AP4S1: variants seen among roughly 807,000 people sequenced by gnomAD.
The protein encoded by AP4S1 is AP-4 complex subunit sigma-1.
AP4S1 carries 23 observed loss-of-function variants against 19.8 expected under a neutral mutation model. The observed-to-expected ratio is 1.16, with a 90% confidence interval of 0.84 to 1.65. The LOEUF is 1.65. AP4S1 is among the 40% of genes most tolerant of loss of function. AP4S1 has a pLI of 0.00. For synonymous variants in AP4S1, 46 were observed against 54.1 expected (o/e 0.85, Z 0.66); for missense variants, 166 against 172.8 (o/e 0.96, Z 0.22).
In AP4S1 at chr14:31,089,394, A is replaced by G. The variant is rs148226386; in HGVS notation, c.307-3513A>G. On this transcript the variant is annotated intron_variant, in intron 5 of 5. Transcript: ENST00000542754. The stretch of plus-strand genomic sequence containing the variant: ...ATATTTTGTTAAAGAACACTTAGCT[A>G]GAATATTTTTTAAAAAAAGAAATAA... Among the ~76,000 whole-genome samples, 770 of 152,320 alleles carry G rather than the reference A, an allele frequency of 5.1e-3. 9 individuals are homozygous for G. The highest frequency in any genetic ancestry group is 0.017 in the African/African-American group (725 of 41,574).
intron 1 of AP4S1, among the ~76,000 whole-genome samples, chr14:31,055,530 C>T (rs948910497): frequency 8.5e-5 from 13 of 152,142 alleles, no homozygotes; most frequent in Admixed American, 7.9e-4. Context: ...GATTAAGTAT[C>T]TTGTCCAGGG....
chr14:31,069,677 G>T (rs975918055), intron 2 of AP4S1, among the ~76,000 whole-genome samples, 166 bp from the exon 3 acceptor site: 1 of 152,082 alleles, frequency 6.6e-6, no homozygotes, highest in African/African-American at 2.4e-5. Context: ...GCTTCCAAGT[G>T]GTCCCCTGAA....
intron 5 of AP4S1, among the ~76,000 whole-genome samples, chr14:31,081,690 T>C (rs1224207713): frequency 6.6e-6 from 1 of 151,456 alleles, no homozygotes; most frequent in Non-Finnish European, 1.5e-5. Flanking sequence ...CAACTATATA[T>C]GAATTATAAC....
intron 3 of AP4S1, among the ~76,000 whole-genome samples, chr14:31,070,471 C>T (rs901381910): frequency 6.6e-6 from 1 of 152,080 alleles, no homozygotes; most frequent in South Asian, 2.1e-4. Context: ...TGGCCTAGAA[C>T]TCCTGACTTC....
At chr14:31,032,991 G>C (rs777529907) in intron 1 of AP4S1, 1 of 152,176 alleles carries the variant, frequency 6.6e-6, no homozygotes, top group Non-Finnish European at 1.5e-5. Context: ...AAGCTGAAGA[G>C]CTCTTGGTCA....
intron 1 of AP4S1, chr14:31,026,984 G>A (rs1313585480): frequency 6.6e-6 from 1 of 152,316 alleles, no homozygotes; most frequent in South Asian, 2.1e-4. Context: ...TCCTCCGGCT[G>A]TGGTTACTGA....
At chr14:31,035,271 C>T (rs901182938) in intron 1 of AP4S1, among the ~76,000 whole-genome samples, 10 of 145,968 alleles carry the variant, frequency 6.9e-5, no homozygotes, top group East Asian at 2.1e-4. Flanking sequence ...CTCTTCTCAC[C>T]GCAACCTCCG....
intron 5 of AP4S1, among the ~76,000 whole-genome samples, chr14:31,090,357 A>G (rs890310241): frequency 2.0e-5 from 3 of 152,228 alleles, no homozygotes; most frequent in African/African-American, 7.2e-5. Context: ...ACGATGTTCA[A>G]TTCCAATCCA....
At chr14:31,073,261 T>A (rs111419410) in intron 4 of AP4S1, 3 of 345,588 alleles carry the variant, frequency 8.7e-6, no homozygotes, top group Non-Finnish European at 1.7e-5. Flanking sequence ...GAGGCTAAGG[T>A]GGGCAGATCA....
At chr14:31,054,898 A>C (rs1278964534) in intron 1 of AP4S1, among the ~76,000 whole-genome samples, 1 of 126,882 alleles carries the variant, frequency 7.9e-6, no homozygotes, top group Non-Finnish European at 1.7e-5. Flanking sequence ...AAAAAAAAAC[A>C]GTGACAGGTC....
chr14:31,073,464 T>TG lies in AP4S1; in HGVS notation c.294+494dup, dbSNP rs1197176698. Among the ~76,000 whole-genome samples the TG allele has an allele frequency of 6.2e-5, 9 of 146,208 alleles. No individual in the cohort carries two copies. The East Asian group carries it at 1.4e-3, about 23-fold the overall frequency. On this transcript the variant is annotated intron_variant, in intron 4 of 5. Transcript: ENST00000542754. Reference sequence around the variant, plus strand: ...GAGATCCCGCCACTGCACTCCAGCCTGGGCAACAGAGCGAGACTCCGTCTC... The same window carrying TG: ...GAGATCCCGCCACTGCACTCCAGCCTGGGGCAACAGAGCGAGACTCCGTCTC...
intron 1 of AP4S1, chr14:31,026,146 TC>T (rs1175800045): frequency 1.3e-6 from 2 of 1,487,142 alleles, no homozygotes; most frequent in Non-Finnish European, 8.9e-7. Flanking sequence ...GGGGCCGCCA[TC>T]CCCGGGCCGC....
At chr14:31,069,816 AT>A (rs748312039) in intron 2 of AP4S1, 26 bp from the exon 3 acceptor site, 15 of 1,543,498 alleles carry the variant, frequency 9.7e-6, no homozygotes, top group Non-Finnish European at 1.3e-5. Flanking sequence ...AGCCACAGGA[AT>A]TAATATCTCA....
chr14:31,071,511 C>T (rs1317981118), intron 3 of AP4S1, among the ~76,000 whole-genome samples: 2 of 152,144 alleles, frequency 1.3e-5, no homozygotes, highest in South Asian at 2.1e-4. Flanking sequence ...ACCCCTGCCT[C>T]CTGGGTTCAA....
At chr14:31,032,197 C>G (rs986160536) in intron 1 of AP4S1, among the ~76,000 whole-genome samples, 2 of 152,078 alleles carry the variant, frequency 1.3e-5, no homozygotes, top group Non-Finnish European at 1.5e-5. Context: ...GCCTGGCCAA[C>G]ATGGTGGAAC....
Position 31,070,944 on chromosome 14 carries a change from C to T in AP4S1, c.225+1015C>T, listed in dbSNP as rs1231758725. ...GCGGGCGCCTGTAGTCCCAGCTACT[C>T]GGGAGGCTGAGGCAGGAGAATGGTG... On this transcript the variant is annotated intron_variant, in intron 3 of 5. Coordinates refer to ENST00000542754, the MANE Select transcript of AP4S1 (RefSeq NM_001128126.3). Among the ~76,000 whole-genome samples, 5 of 151,922 alleles carry T rather than the reference C, an allele frequency of 3.3e-5. 1 individual carries two copies. The highest frequency in any genetic ancestry group is 1.3e-4 in the Admixed American group (2 of 15,232).
At chr14:31,046,369 T>C (rs976280905) in intron 1 of AP4S1, among the ~76,000 whole-genome samples, 1 of 152,198 alleles carries the variant, frequency 6.6e-6, no homozygotes. Flanking sequence ...CATTTCTTAT[T>C]AGTAGAATCA....
Position 31,066,262 on chromosome 14 carries a change from T to C in AP4S1, c.66T>C (p.His22=). ...CTCGACTTTCTAAGTACTATGAACA[T>C]GTGGATATTAATAAGCGTACACTTC... is the stretch of plus-strand genomic sequence containing the variant. ...GQTRLSKYYE[H]VDINKRTLLE... The change falls in exon 2 of 6, where the codon CAT becomes CAC. Residue 22 remains histidine, a synonymous_variant. Coordinates refer to ENST00000542754, the MANE Select transcript of AP4S1 (RefSeq NM_001128126.3). The C allele has an allele frequency of 6.2e-7, 1 of 1,613,890 alleles. No individual in the cohort carries two copies. The highest frequency in any genetic ancestry group is 8.5e-7 in the Non-Finnish European group (1 of 1,179,860).
At chr14:31,090,038 G>T (rs917449243) in intron 5 of AP4S1, among the ~76,000 whole-genome samples, 1 of 151,638 alleles carries the variant, frequency 6.6e-6, no homozygotes, top group African/African-American at 2.4e-5. Context: ...GCCCAGACTG[G>T]AGTGCAGTGG....
Sources: gnomAD v4.1 joint callset for allele counts (sites outside exome capture counted in the v4.1 genomes callset) on GRCh38, gnomAD v4.1.1 for gene constraint, MANE v1.5 for transcripts, NCBI Gene and HGNC (gene_info 2026-07-23, HGNC 2026-07-21) for gene names.